SEMA3A: variants seen among roughly 807,000 people sequenced by gnomAD.
SEMA3A encodes the protein semaphorin 3A.
A neutral mutation model predicts 97.9 loss-of-function variants in SEMA3A; 29 were observed. The observed-to-expected ratio is 0.30, with a 90% CI of 0.22 to 0.40. The LOEUF (loss-of-function observed/expected upper bound fraction) is 0.40. Among genes scored for constraint, SEMA3A ranks in the 10% least tolerant of loss-of-function variants. The pLI is 1.00. For missense variants in SEMA3A, 763 were observed against 951.3 expected, an observed-to-expected ratio of 0.80 and a Z score of 2.60; for synonymous variants, 321 against 323.7, an observed-to-expected ratio of 0.99 and a Z score of 0.09.
chr7:84,061,271 GGAAT>G (rs1312931578), intron 4 of SEMA3A, among the ~76,000 whole-genome samples: 1 of 152,130 alleles, frequency 6.6e-6, no homozygotes, highest in Non-Finnish European at 1.5e-5. Context: ...CTCAGAAACA[GGAAT>G]GAACTTTTGA....
At chr7:84,293,893 T>C (rs1800808435) in intron 3 of SEMA3A, among the ~76,000 whole-genome samples, 1 of 152,064 alleles carries the variant, frequency 6.6e-6, no homozygotes, top group Non-Finnish European at 1.5e-5. Context: ...TATACTTATA[T>C]ATCATACACA....
At chr7:84,159,378 AT>A (rs1197557813) in intron 1 of SEMA3A, among the ~76,000 whole-genome samples, 1 of 152,208 alleles carries the variant, frequency 6.6e-6, no homozygotes, top group Non-Finnish European at 1.5e-5. Context: ...TTAAAAAAAA[AT>A]CTTTTTCCGT....
chr7:84,462,164 T>C (rs1805862869), intron 1 of SEMA3A, among the ~76,000 whole-genome samples: 2 of 152,104 alleles, frequency 1.3e-5, no homozygotes, highest in South Asian at 2.1e-4. Context: ...GCATTAAGCA[T>C]TGACATGTTA....
rs556814865 is a variant in SEMA3A, at chr7:83,984,661, A to G, written c.1494+775T>C. 1.1e-3 allele frequency among the ~76,000 whole-genome samples: 167 copies of G among 145,734 alleles called. 1 individual carries two copies. Among genetic ancestry groups the G allele is most frequent in the Non-Finnish European group, 2.1e-3 (139 of 67,026 alleles). ...TTACCATTGATATACTGGACAGAAG[A>G]AAGTCTAGGTAACATTTATGGAGAA... On this transcript the variant is annotated intron_variant, in intron 13 of 16. Transcript: ENST00000265362.
chr7:84,112,707 G>A (rs1795309871), intron 3 of SEMA3A, among the ~76,000 whole-genome samples: 1 of 152,168 alleles, frequency 6.6e-6, no homozygotes, highest in Non-Finnish European at 1.5e-5. Context: ...CTAGCAGATT[G>A]TAATTAATGA....
At chr7:84,004,670 A>G (rs1400226889) in intron 11 of SEMA3A, among the ~76,000 whole-genome samples, 1 of 152,216 alleles carries the variant, frequency 6.6e-6, no homozygotes, top group African/African-American at 2.4e-5. Context: ...TTACCTAATC[A>G]TTAGCTTTAC....
intron 1 of SEMA3A, among the ~76,000 whole-genome samples, chr7:84,484,729 A>G (rs1806531456): frequency 6.6e-6 from 1 of 152,182 alleles, no homozygotes; most frequent in Admixed American, 6.5e-5. Flanking sequence ...CATTCCAAAG[A>G]ACGGCATTAC....
intron 1 of SEMA3A, among the ~76,000 whole-genome samples, chr7:84,452,016 A>C (rs1055196974): frequency 2.0e-5 from 3 of 152,102 alleles, no homozygotes. Context: ...GCAAATATTT[A>C]ATTGTTTGTT....
intron 4 of SEMA3A, among the ~76,000 whole-genome samples, chr7:84,103,493 TCA>T (rs1795016318): frequency 6.6e-6 from 1 of 152,166 alleles, no homozygotes; most frequent in Admixed American, 6.5e-5. Context: ...GAATAAATCA[TCA>T]CAGTTAAAAA....
chr7:84,054,081 C>T (rs1302108582), intron 5 of SEMA3A, among the ~76,000 whole-genome samples: 44 of 151,738 alleles, frequency 2.9e-4, no homozygotes, highest in South Asian at 2.5e-3. Flanking sequence ...CTGAGAGATC[C>T]GCTGTTAGTC....
intron 2 of SEMA3A, among the ~76,000 whole-genome samples, chr7:84,371,151 T>C (rs900875963): frequency 6.6e-6 from 1 of 151,844 alleles, no homozygotes; most frequent in African/African-American, 2.4e-5. Flanking sequence ...ATATTAGGTT[T>C]GTGCAAATAG....
At chr7:84,022,538 T>C (rs6976211) in intron 6 of SEMA3A, among the ~76,000 whole-genome samples, 66,720 of 152,062 alleles carry the variant, frequency 0.44, 15,554 homozygotes, top group Middle Eastern at 0.56. Flanking sequence ...TGGATATCTT[T>C]CCACGTGAAA....
intron 6 of SEMA3A, among the ~76,000 whole-genome samples, chr7:84,038,663 G>A (rs1394357445): frequency 1.3e-5 from 2 of 151,868 alleles, no homozygotes; most frequent in African/African-American, 2.4e-5. Context: ...AAATTTAAAC[G>A]TTAAACTGTG....
rs563961015 is a variant in SEMA3A at position 84,162,847 on chromosome 7, G to C, written c.113-27896C>G. ...AAGGAGAGTAGAGAGGCACAATTAA[G>C]CAACAGTATTATCTGTGCAATAGTT... On this transcript the variant is annotated intron_variant, in intron 1 of 16. Transcript: ENST00000265362. 2.0e-5 allele frequency among the ~76,000 whole-genome samples: 3 copies of C among 152,216 alleles called. No homozygotes were observed. In the South Asian group the frequency reaches 6.2e-4, roughly 32 times the overall value.
chr7:84,049,928 T>C (rs1209000017), intron 5 of SEMA3A, among the ~76,000 whole-genome samples: 3 of 142,592 alleles, frequency 2.1e-5, no homozygotes, highest in Non-Finnish European at 3.0e-5. Flanking sequence ...TGTGATCTCA[T>C]TGTTCAATTC....
At chr7:84,259,814 CAAAA>C (rs201882668) in intron 3 of SEMA3A, among the ~76,000 whole-genome samples, 1 of 73,300 alleles carries the variant, frequency 1.4e-5, no homozygotes, top group Non-Finnish European at 2.9e-5. Context: ...AACACACGCA[CAAAA>C]AAAAAAAAAG....
intron 1 of SEMA3A, among the ~76,000 whole-genome samples, chr7:84,401,491 GAA>G (rs35848664): frequency 3.2e-4 from 36 of 114,268 alleles, no homozygotes; most frequent in Non-Finnish European, 3.7e-4. Flanking sequence ...CACAGAAATA[GAA>G]AAAAAAAAAA....
chr7:84,016,394 C>G (rs1256759596), intron 6 of SEMA3A, among the ~76,000 whole-genome samples: 2 of 151,830 alleles, frequency 1.3e-5, no homozygotes, highest in Non-Finnish European at 2.9e-5. Flanking sequence ...AAAAATTAGC[C>G]GAGCGTGGTG....
intron 3 of SEMA3A, among the ~76,000 whole-genome samples, chr7:84,249,251 A>G (rs1357006105): frequency 6.6e-6 from 1 of 152,066 alleles, no homozygotes; most frequent in Non-Finnish European, 1.5e-5. Flanking sequence ...ACACTTTTAG[A>G]TTAACTTCCA....
Sources: gnomAD v4.1 joint callset for allele counts (sites outside exome capture counted in the v4.1 genomes callset) on GRCh38, gnomAD v4.1.1 for gene constraint, MANE v1.5 for transcripts, NCBI Gene and HGNC (gene_info 2026-07-23, HGNC 2026-07-21) for gene names.